The following CBX1 variants were observed in gnomAD, a reference collection of about 807,000 sequenced individuals.
The protein encoded by CBX1 is chromobox 1, also known as chromobox protein homolog 1.
In CBX1, 10 loss-of-function variants were observed where a neutral mutation model predicts 25.1. That is an observed-to-expected ratio of 0.40 (90% CI 0.25 to 0.68). The LOEUF is 0.68. Among genes scored for constraint, CBX1 ranks in the 30% least tolerant of loss-of-function variants. CBX1 has a pLI of 0.40. For missense variants in CBX1, 106 were observed against 218.5 expected, an observed-to-expected ratio of 0.49 and a Z score of 3.25; for synonymous variants, 63 against 79.4, an observed-to-expected ratio of 0.79 and a Z score of 1.10.
rs2063407306 is a variant in CBX1, at chr17:48,101,062, C to T, written c.-38+206G>A. 5 of 985,850 alleles carry T rather than the reference C, an allele frequency of 5.1e-6. No individual in the cohort carries two copies. The South Asian group carries it at 2.3e-4, about 46-fold the overall frequency. 61.1% of individuals were successfully genotyped at this position (985,850 alleles called of 1,614,324 possible). ...TCTGGCTCAGGATTCGCGCCCCGCC[C>T]TCTCCATCCTTCACGCAGCTGGCAC... On this transcript the variant is annotated intron_variant, in intron 1 of 4. Transcript: ENST00000225603.
intron 3 of CBX1, 46 bp from the exon 4 acceptor site, chr17:48,075,146 T>A: frequency 8.2e-7 from 1 of 1,213,554 alleles, no homozygotes; most frequent in Non-Finnish European, 1.2e-6. Context: ...TATGGGACTA[T>A]TATCCAGACT....
chr17:48,097,415 C>A (rs6504032), intron 1 of CBX1, among the ~76,000 whole-genome samples: 8 of 151,722 alleles, frequency 5.3e-5, no homozygotes, highest in Non-Finnish European at 7.4e-5. Flanking sequence ...AGGAGTTCAA[C>A]ACCAGCCTGG....
At chr17:48,084,594 G>A (rs1000050851) in intron 1 of CBX1, among the ~76,000 whole-genome samples, 2 of 149,398 alleles carry the variant, frequency 1.3e-5, no homozygotes, top group African/African-American at 2.6e-5. Flanking sequence ...GAACCATGGC[G>A]CCCTGCCTAC....
At chr17:48,100,764 C>A in intron 1 of CBX1, 1 of 985,568 alleles carries the variant, frequency 1.0e-6, no homozygotes, top group Non-Finnish European at 1.2e-6. Flanking sequence ...CCTTGTGCGG[C>A]CCTGGGCCCT....
chr17:48,090,575 C>A lies in CBX1; in HGVS notation c.-38+10693G>T, dbSNP rs199635139. On this transcript the variant is annotated intron_variant, in intron 1 of 4. Transcript: ENST00000225603. ...TCTCTTGCAATGGGTAACTCCTGATCCAATTCATTTTCAACACTAGCCAGT... is the reference window on the plus strand; with the variant it reads ...TCTCTTGCAATGGGTAACTCCTGATACAATTCATTTTCAACACTAGCCAGT... 2.2e-3 allele frequency among the ~76,000 whole-genome samples: 339 copies of A among 152,264 alleles called. 2 individuals carry two copies. The highest frequency in any genetic ancestry group is 8.2e-3 in the Admixed American group (125 of 15,274).
At chr17:48,075,852 CA>C (rs1313084256) in intron 3 of CBX1, 148 bp downstream of exon 3, 2 of 569,674 alleles carry the variant, frequency 3.5e-6, no homozygotes, top group Non-Finnish European at 6.1e-6. Context: ...GGCTTCATGA[CA>C]GTACACTCTC....
Position 48,076,916 on chromosome 17 carries a change from C to T in CBX1, c.89G>A (p.Arg30Gln), listed in dbSNP as rs902055553. Reference sequence around the variant, plus strand: ...GTACTCCACTTTGCCCTTTACCACTCGACGGTCGAGAACTTTTTCCACCAC... The same window carrying T: ...GTACTCCACTTTGCCCTTTACCACTTGACGGTCGAGAACTTTTTCCACCAC... ...EYVVEKVLDR[R>Q]VVKGKVEYLL... The change falls in exon 2 of 5, where the codon CGA becomes CAA. Residue 30 changes from arginine (R) to glutamine (Q), a missense_variant. Arg to Gln is a conservative substitution (Grantham distance 43, BLOSUM62 1). Transcript: ENST00000225603. 4 of 1,613,438 alleles carry T rather than the reference C, an allele frequency of 2.5e-6. No homozygotes were observed. Among genetic ancestry groups the T allele is most frequent in the African/African-American group, 1.3e-5 (1 of 74,892 alleles).
intron 1 of CBX1, chr17:48,101,000 G>GCCCCCAAGTGCTCGGCCCA (rs2063406664): frequency 1.0e-6 from 1 of 985,784 alleles, no homozygotes; most frequent in Admixed American, 6.2e-5. Flanking sequence ...CCGAAGAGCG[G>GCCCCCAAGTGCTCGGCCCA]CCCCCAAGTG....
chr17:48,071,650 G>A, intron 4 of CBX1, 71 bp from the exon 5 acceptor site: 2 of 1,306,584 alleles, frequency 1.5e-6, no homozygotes, highest in Non-Finnish European at 1.0e-6. Context: ...ATAACCCAGG[G>A]GACAGTGCTT....
chr17:48,097,473 G>A (rs936799037), intron 1 of CBX1, among the ~76,000 whole-genome samples: 5 of 151,426 alleles, frequency 3.3e-5, no homozygotes, highest in Admixed American at 6.6e-5. Flanking sequence ...AAAATTAGCC[G>A]GGCGTTGTCG....
chr17:48,071,477 G>A lies in CBX1; in HGVS notation c.516C>T (p.Ser172=). 6.2e-7 allele frequency: 1 copy of A among 1,613,214 alleles called. No individual in the cohort carries two copies. Among genetic ancestry groups the A allele is most frequent in the Non-Finnish European group, 8.5e-7 (1 of 1,179,610 alleles). The change falls in exon 5 of 5, where the codon TCC becomes TCT. Residue 172 remains serine, a synonymous_variant. Transcript: ENST00000225603. ...SFYEERLTWH[S]YPSEDDDKKD... ...TTTTGTCATCATCCTCCGAGGGGTAGGAATGCCACGTCAGCCTTTCCTCAT... is the reference window on the plus strand; with the variant it reads ...TTTTGTCATCATCCTCCGAGGGGTAAGAATGCCACGTCAGCCTTTCCTCAT...
intron 1 of CBX1, among the ~76,000 whole-genome samples, chr17:48,081,592 C>T (rs1484987615): frequency 6.6e-6 from 1 of 152,128 alleles, no homozygotes; most frequent in African/African-American, 2.4e-5. Flanking sequence ...GCGCTCACCA[C>T]CATGCCCAGC....
At chr17:48,086,878 AAAAG>A (rs1314820453) in intron 1 of CBX1, among the ~76,000 whole-genome samples, 1 of 151,920 alleles carries the variant, frequency 6.6e-6, no homozygotes, top group Non-Finnish European at 1.5e-5. Context: ...AAGAAAACGA[AAAAG>A]AAAAAAACAA....
intron 4 of CBX1, among the ~76,000 whole-genome samples, chr17:48,072,823 A>C (rs1443698110): frequency 3.3e-5 from 5 of 151,148 alleles, no homozygotes; most frequent in African/African-American, 1.2e-4. Flanking sequence ...CATACACATT[A>C]TAAGGGAATT....
At chr17:48,081,901 C>T (rs1234764542) in intron 1 of CBX1, among the ~76,000 whole-genome samples, 3 of 152,148 alleles carry the variant, frequency 2.0e-5, no homozygotes, top group Admixed American at 1.3e-4. Flanking sequence ...GCCTTCCCAA[C>T]GTGTTTTTTT....
intron 1 of CBX1, among the ~76,000 whole-genome samples, chr17:48,099,936 C>G (rs531271588): frequency 2.0e-5 from 3 of 152,042 alleles, no homozygotes; most frequent in Admixed American, 1.3e-4. Context: ...GTCAGGAGTT[C>G]GAGACCAGCG....
rs529588236 is a variant in CBX1 at position 48,082,843 on chromosome 17, AT to A, written c.-37-5803del. ...GTAAGCCACTGTGCCAGGTAATTTT[AT>A]TTTTTTTTAATGACACAATTATCTT... is the stretch of plus-strand genomic sequence containing the variant. On this transcript the variant is annotated intron_variant, in intron 1 of 4. Transcript: ENST00000225603. Among the ~76,000 whole-genome samples, 14 of 125,772 alleles carry A rather than the reference AT, an allele frequency of 1.1e-4. 3 individuals carry two copies. The highest frequency in any genetic ancestry group is 3.5e-4 in the African/African-American group (11 of 31,286). The allele number at this position is 125,772 out of a possible 152,430, so 82.5% of individuals were successfully genotyped here.
In CBX1 at chr17:48,101,441, A is replaced by C. The variant is rs1443403733; in HGVS notation, c.-211T>G. 1.0e-6 allele frequency: 1 copy of C among 985,494 alleles called. No individual in the cohort carries two copies. Among genetic ancestry groups the C allele is most frequent in the Non-Finnish European group, 1.2e-6 (1 of 830,090 alleles). The allele number at this position is 985,494 out of a possible 1,614,324, so 61.0% of individuals were successfully genotyped here. On this transcript the variant is annotated 5_prime_UTR_variant, in exon 1 of 5. Coordinates refer to ENST00000225603, the MANE Select transcript of CBX1 (RefSeq NM_001127228.2). ...GGCCAACGGCCCTCCCCTCAGCCGA[A>C]CAAAAGAGCCTCGCAGTCTGCGCTG...
intron 1 of CBX1, among the ~76,000 whole-genome samples, chr17:48,097,182 A>T (rs1392634384): frequency 6.6e-6 from 1 of 150,682 alleles, no homozygotes; most frequent in Non-Finnish European, 1.5e-5. Context: ...TGAACCGAGG[A>T]GGCGGAGGTT....
Sources: gnomAD v4.1 joint callset for allele counts (sites outside exome capture counted in the v4.1 genomes callset) on GRCh38, gnomAD v4.1.1 for gene constraint, MANE v1.5 for transcripts, NCBI Gene and HGNC (gene_info 2026-07-23, HGNC 2026-07-21) for gene names.